The following ZNF385B variants were observed in gnomAD, a reference collection of about 807,000 sequenced individuals.
ZNF385B encodes the protein zinc finger protein 533.
Under a neutral mutation model 39.2 loss-of-function variants are expected in ZNF385B, and 23 were observed. The ratio of observed to expected loss-of-function variants is 0.59; its 90% CI spans 0.42 to 0.83. ZNF385B has a LOEUF of 0.83. Among genes scored for constraint, ZNF385B ranks in the 40% least tolerant of loss-of-function variants. The pLI, the probability that ZNF385B is intolerant of heterozygous loss-of-function variation, is 0.00. For missense variants in ZNF385B, 552 were observed against 598.9 expected, an observed-to-expected ratio of 0.92 and a Z score of 0.82; for synonymous variants, 205 against 222.6, an observed-to-expected ratio of 0.92 and a Z score of 0.70.
intron 3 of ZNF385B, among the ~76,000 whole-genome samples, chr2:179,584,259 C>CA (rs372065350): frequency 6.6e-5 from 10 of 152,024 alleles, no homozygotes; most frequent in African/African-American, 2.4e-4. Flanking sequence ...CTTGTTATAA[C>CA]AAAAAATATC....
intron 3 of ZNF385B, among the ~76,000 whole-genome samples, chr2:179,566,937 C>T (rs3112928): frequency 0.97 from 138,693 of 143,152 alleles, 67,215 homozygotes; most frequent in East Asian, 1. Flanking sequence ...TTTTTTGAGA[C>T]GGGGTCTCAC....
At chr2:179,689,274 G>A (rs948973126) in intron 3 of ZNF385B, among the ~76,000 whole-genome samples, 1 of 152,134 alleles carries the variant, frequency 6.6e-6, no homozygotes, top group African/African-American at 2.4e-5. Flanking sequence ...AAAGCTTTAC[G>A]GGTAAAAGCC....
intron 3 of ZNF385B, among the ~76,000 whole-genome samples, chr2:179,633,824 T>C (rs1691468088): frequency 6.6e-6 from 1 of 152,208 alleles, no homozygotes; most frequent in Non-Finnish European, 1.5e-5. Flanking sequence ...GAGGCTACAG[T>C]AACCAAAACA....
At chr2:179,754,781 C>T (rs952390323) in intron 3 of ZNF385B, among the ~76,000 whole-genome samples, 6 of 151,890 alleles carry the variant, frequency 4.0e-5, no homozygotes, top group Admixed American at 6.6e-5. Context: ...GGTGATATCC[C>T]CTTTATCATT....
At chr2:179,686,861 C>T (rs1256930448) in intron 3 of ZNF385B, among the ~76,000 whole-genome samples, 2 of 151,848 alleles carry the variant, frequency 1.3e-5, no homozygotes, top group African/African-American at 4.8e-5. Flanking sequence ...TACCTGAACT[C>T]TACAGCACAG....
At chr2:179,714,961 A>AAAAAAAAAAAAAAAAAAAAAAAAAAATC (rs1553516033) in intron 3 of ZNF385B, among the ~76,000 whole-genome samples, 1 of 150,614 alleles carries the variant, frequency 6.6e-6, no homozygotes. Context: ...AAAAAAAAAA[A>AAAAAAAAAAAAAAAAAAAAAAAAAAATC]CAGTTTCCTG....
At chr2:179,640,450 G>T (rs778569488) in intron 3 of ZNF385B, among the ~76,000 whole-genome samples, 2 of 151,866 alleles carry the variant, frequency 1.3e-5, no homozygotes, top group Non-Finnish European at 2.9e-5. Context: ...AAAACTATAT[G>T]AAACATTAAT....
In ZNF385B at chr2:179,652,914, G is replaced by A. The variant is rs187610268; in HGVS notation, c.299-107945C>T. On this transcript the variant is annotated intron_variant, in intron 3 of 9. Transcript: ENST00000410066. The stretch of plus-strand genomic sequence containing the variant: ...GAGTCTCTGAGTTCTTAAAGTCTTA[G>A]TTTAGGCAGGGAAAAAAAAATTGAG... Among the ~76,000 whole-genome samples the A allele has an allele frequency of 7.8e-4, 117 of 150,916 alleles. 1 individual carries two copies. The highest frequency in any genetic ancestry group is 2.7e-3 in the African/African-American group (112 of 41,134).
At chr2:179,516,319 G>C (rs756536461) in intron 5 of ZNF385B, among the ~76,000 whole-genome samples, 1 of 152,024 alleles carries the variant, frequency 6.6e-6, no homozygotes, top group Non-Finnish European at 1.5e-5. Flanking sequence ...TATGGGAAAC[G>C]TATGTACAAC....
intron 6 of ZNF385B, among the ~76,000 whole-genome samples, chr2:179,453,988 A>G (rs985663073): frequency 6.6e-6 from 1 of 152,182 alleles, no homozygotes. Context: ...ATCCCTAACA[A>G]TGGAAAGCGC....
At chr2:179,629,557 G>T (rs1289360011) in intron 3 of ZNF385B, among the ~76,000 whole-genome samples, 1 of 152,160 alleles carries the variant, frequency 6.6e-6, no homozygotes, top group Admixed American at 6.5e-5. Flanking sequence ...ATTGCAAGAT[G>T]GCCGAAAAGG....
chr2:179,777,469 T>C (rs1704393902), intron 1 of ZNF385B, among the ~76,000 whole-genome samples: 1 of 152,134 alleles, frequency 6.6e-6, no homozygotes, highest in Non-Finnish European at 1.5e-5. Flanking sequence ...GGACAAAACA[T>C]ATACATACTT....
At chr2:179,529,974 T>G (rs1296922476) in intron 4 of ZNF385B, among the ~76,000 whole-genome samples, 1 of 152,098 alleles carries the variant, frequency 6.6e-6, no homozygotes, top group Non-Finnish European at 1.5e-5. Flanking sequence ...ATGAGAAATA[T>G]TTCAGGAATA....
intron 3 of ZNF385B, among the ~76,000 whole-genome samples, chr2:179,766,497 G>A (rs1472728082): frequency 6.6e-6 from 1 of 152,106 alleles, no homozygotes; most frequent in Non-Finnish European, 1.5e-5. Context: ...GTGTTACTTG[G>A]GTTGGTTCCT....
chr2:179,500,699 T>C lies in ZNF385B; in HGVS notation c.553-17265A>G, dbSNP rs574105341. 1.1e-4 allele frequency among the ~76,000 whole-genome samples: 17 copies of C among 152,276 alleles called. 1 individual carries two copies. In the Middle Eastern group the frequency reaches 0.01, roughly 91 times the overall value. On this transcript the variant is annotated intron_variant, in intron 5 of 9. Transcript: ENST00000410066. ...GACATTGGTCTTGGCAAAGATTTGT[T>C]GAACAATACCCCACAAGCACAGGCA...
chr2:179,519,308 A>G (rs1245070091), intron 4 of ZNF385B, among the ~76,000 whole-genome samples: 1 of 152,246 alleles, frequency 6.6e-6, no homozygotes, highest in Admixed American at 6.5e-5. Flanking sequence ...GTATTGACTG[A>G]ATATATATTT....
intron 1 of ZNF385B, among the ~76,000 whole-genome samples, chr2:179,854,932 A>T (rs1684463690): frequency 6.6e-6 from 1 of 152,210 alleles, no homozygotes; most frequent in Non-Finnish European, 1.5e-5. Flanking sequence ...ACAGAAATGA[A>T]ACTTTTTATT....
chr2:179,765,464 G>T (rs968017968), intron 3 of ZNF385B, among the ~76,000 whole-genome samples: 2 of 152,122 alleles, frequency 1.3e-5, no homozygotes, highest in South Asian at 4.1e-4. Flanking sequence ...TTTATGGCCT[G>T]GCTGTCACTT....
rs34563220 is a variant in ZNF385B, at chr2:179,668,622, CTTT to C, written c.298+100878_298+100880del. ...CACAGTTCCTGGAGCCAACACCTTT[CTTT>C]TTTTTTTTTTTTTTAACTTTCTATA... On this transcript the variant is annotated intron_variant, in intron 3 of 9. Transcript: ENST00000410066. Among the ~76,000 whole-genome samples the C allele has an allele frequency of 5.6e-3, 794 of 142,228 alleles. 3 individuals are homozygous for C. Among genetic ancestry groups the C allele is most frequent in the African/African-American group, 0.016 (621 of 38,904 alleles). 93.3% of individuals were successfully genotyped at this position (142,228 alleles called of 152,430 possible). A position where few individuals can be genotyped will look rare whatever the true frequency, so the allele number is the denominator to read the frequency against.
Sources: allele counts gnomAD v4.1 joint callset (sites outside exome capture counted in the v4.1 genomes callset), GRCh38; gene constraint gnomAD v4.1.1; transcripts MANE v1.5; gene names NCBI Gene and HGNC (gene_info 2026-07-23, HGNC 2026-07-21).